The following FANK1 variants were observed in gnomAD, a reference collection of about 807,000 sequenced individuals.
FANK1 encodes fibronectin type III and ankyrin repeat domains 1.
In FANK1, 44 loss-of-function variants were observed where a neutral mutation model predicts 45.3. The ratio of observed to expected loss-of-function variants is 0.97; its 90% CI spans 0.76 to 1.25. FANK1 has a LOEUF of 1.25. FANK1 is among the 50% of genes most tolerant of loss of function. The pLI, the probability that FANK1 is intolerant of heterozygous loss-of-function variation, is 0.00. For missense variants in FANK1, 391 were observed against 424.4 expected (o/e 0.92, Z 0.69); for synonymous variants, 149 against 152.5 (o/e 0.98, Z 0.17).
intron 1 of FANK1, among the ~76,000 whole-genome samples, chr10:125,953,032 T>C (rs1949353525): frequency 6.6e-6 from 1 of 152,128 alleles, no homozygotes; most frequent in Non-Finnish European, 1.5e-5. Flanking sequence ...TTCGTAGTGG[T>C]TTTTAGACTT....
At chr10:125,901,306 G>T (rs10128156) in intron 1 of FANK1, among the ~76,000 whole-genome samples, 1 of 135,890 alleles carries the variant, frequency 7.4e-6, no homozygotes, top group East Asian at 2.2e-4. Context: ...CCACCAGCAG[G>T]TCTGTTTATT....
At chr10:125,962,202 G>T (rs1949969691) in intron 1 of FANK1, among the ~76,000 whole-genome samples, 1 of 152,174 alleles carries the variant, frequency 6.6e-6, no homozygotes, top group Non-Finnish European at 1.5e-5. Flanking sequence ...TGCTTCTGAA[G>T]AGAGGTCTGC....
Position 125,896,569 on chromosome 10 carries a change from T to C in FANK1, c.-74T>C. 8.0e-7 allele frequency: 1 copy of C among 1,244,432 alleles called. No homozygotes were observed. The highest frequency in any genetic ancestry group is 1.0e-6 in the Non-Finnish European group (1 of 991,162). The allele number at this position is 1,244,432 out of a possible 1,614,324, so 77.1% of individuals were successfully genotyped here. On this transcript the variant is annotated 5_prime_UTR_variant, in exon 1 of 11. Coordinates refer to ENST00000368693, the MANE Select transcript of FANK1 (RefSeq NM_145235.5). Reference sequence around the variant, plus strand: ...CGCCTCCGGGTTGTCAGGGCAACCGTAGCGACGCCGGCCCTGGCTGAGAGG... The same window carrying C: ...CGCCTCCGGGTTGTCAGGGCAACCGCAGCGACGCCGGCCCTGGCTGAGAGG...
At chr10:126,000,395 A>G (rs1952667104) in intron 6 of FANK1, among the ~76,000 whole-genome samples, 1 of 152,214 alleles carries the variant, frequency 6.6e-6, no homozygotes, top group Non-Finnish European at 1.5e-5. Context: ...TGGAACAAAT[A>G]ATCAGAAAAA....
intron 3 of FANK1, among the ~76,000 whole-genome samples, chr10:125,993,071 C>T (rs1001968604): frequency 2.2e-4 from 34 of 152,196 alleles, no homozygotes; most frequent in African/African-American, 7.7e-4. Context: ...CTTAGCTTTT[C>T]TGACTCCCAG....
chr10:125,919,838 A>G (rs1268877706), intron 1 of FANK1, among the ~76,000 whole-genome samples: 3 of 151,906 alleles, frequency 2.0e-5, no homozygotes, highest in Admixed American at 2.0e-4. Flanking sequence ...TTGTAATTGT[A>G]TTCTCTTGGG....
chr10:125,945,249 C>T (rs1948703022), intron 1 of FANK1, among the ~76,000 whole-genome samples: 1 of 152,066 alleles, frequency 6.6e-6, no homozygotes, highest in Non-Finnish European at 1.5e-5. Flanking sequence ...GGGGAGGAGC[C>T]AAGATGGCCG....
At chr10:126,006,505 C>T (rs1953214606) in intron 7 of FANK1, among the ~76,000 whole-genome samples, 1 of 152,152 alleles carries the variant, frequency 6.6e-6, no homozygotes, top group Non-Finnish European at 1.5e-5. Context: ...GAATTCTGGG[C>T]AGGTTTTGCA....
chr10:125,961,440 A>G (rs1051743807), intron 1 of FANK1, among the ~76,000 whole-genome samples: 1 of 152,210 alleles, frequency 6.6e-6, no homozygotes, highest in Non-Finnish European at 1.5e-5. Context: ...GGCAGCAAGA[A>G]TACTCACTGG....
Position 125,996,483 on chromosome 10 carries a change from A to C in FANK1, c.399-67A>C. On this transcript the variant is annotated intron_variant, in intron 4 of 10. Transcript: ENST00000368693. Reference sequence around the variant, plus strand: ...TTTTACCCACCTAAGCCCTGTGAGAACCACCGGCTTTGACTCTGCAGTAGC... The same window carrying C: ...TTTTACCCACCTAAGCCCTGTGAGACCCACCGGCTTTGACTCTGCAGTAGC... The C allele has an allele frequency of 2.0e-6, 3 of 1,480,954 alleles. No individual in the cohort carries two copies. In the South Asian group the frequency reaches 3.6e-5, roughly 18 times the overall value. The allele number at this position is 1,480,954 out of a possible 1,614,324, so 91.7% of individuals were successfully genotyped here.
At chr10:125,960,575 G>A (rs1309072591) in intron 1 of FANK1, among the ~76,000 whole-genome samples, 1 of 152,250 alleles carries the variant, frequency 6.6e-6, no homozygotes, top group Admixed American at 6.5e-5. Context: ...TGCCCAGGCT[G>A]GAGTGCAGTG....
chr10:125,935,343 TGGCATCCAGAA>T (rs1366546330), intron 1 of FANK1, among the ~76,000 whole-genome samples: 1 of 152,204 alleles, frequency 6.6e-6, no homozygotes, highest in Non-Finnish European at 1.5e-5. Flanking sequence ...ACATGGCACC[TGGCATCCAGAA>T]GCCTTACATA....
At chr10:125,945,236 TG>T (rs989892968) in intron 1 of FANK1, among the ~76,000 whole-genome samples, 2 of 152,080 alleles carry the variant, frequency 1.3e-5, no homozygotes, top group Non-Finnish European at 2.9e-5. Context: ...ACAAAACAAC[TG>T]GGGGGAGGAG....
chr10:126,008,608 T>C, intron 8 of FANK1, 58 bp downstream of exon 8: 1 of 1,547,516 alleles, frequency 6.5e-7, no homozygotes, highest in South Asian at 1.3e-5. Flanking sequence ...TCAGAGCTTT[T>C]TCTGTAATTA....
chr10:125,925,691 C>G (rs1377239549), intron 1 of FANK1, among the ~76,000 whole-genome samples: 7 of 152,330 alleles, frequency 4.6e-5, no homozygotes, highest in Non-Finnish European at 5.9e-5. Context: ...GCCGCCAAGC[C>G]TGGCTCCTCT....
Position 126,009,514 on chromosome 10 carries a change from T to C in FANK1, c.*76T>C. Reference sequence around the variant, plus strand: ...CTGTTAAACTAGGGATGGGAAATTCTGCATCTTGGGGGGCTGTACATTTAT... The same window carrying C: ...CTGTTAAACTAGGGATGGGAAATTCCGCATCTTGGGGGGCTGTACATTTAT... On this transcript the variant is annotated 3_prime_UTR_variant, in exon 11 of 11. Transcript: ENST00000368693. The C allele has an allele frequency of 1.3e-6, 2 of 1,496,694 alleles. No individual in the cohort carries two copies. Among genetic ancestry groups the C allele is most frequent in the Non-Finnish European group, 1.8e-6 (2 of 1,085,314 alleles). The allele number at this position is 1,496,694 out of a possible 1,614,324, so 92.7% of individuals were successfully genotyped here.
chr10:125,899,769 T>C (rs1265889667), intron 1 of FANK1, among the ~76,000 whole-genome samples: 2 of 152,210 alleles, frequency 1.3e-5, no homozygotes, highest in Non-Finnish European at 2.9e-5. Flanking sequence ...CAGTACATTG[T>C]TTATGCCGAT....
intron 1 of FANK1, among the ~76,000 whole-genome samples, chr10:125,898,992 T>C (rs1239946296): frequency 4.6e-5 from 7 of 151,016 alleles, no homozygotes; most frequent in African/African-American, 1.7e-4. Flanking sequence ...ACTCTTGGAC[T>C]CAAGCAATCC....
chr10:126,000,781 C>G (rs1952700634), intron 6 of FANK1, among the ~76,000 whole-genome samples: 1 of 152,078 alleles, frequency 6.6e-6, no homozygotes, highest in Non-Finnish European at 1.5e-5. Flanking sequence ...GTATTAGAGA[C>G]AAATTACCAG....
Sources: allele counts gnomAD v4.1 joint callset (sites outside exome capture counted in the v4.1 genomes callset), GRCh38; gene constraint gnomAD v4.1.1; transcripts MANE v1.5; gene names NCBI Gene and HGNC (gene_info 2026-07-23, HGNC 2026-07-21).